Variants in DBP observed in about 807,000 individuals in gnomAD.
DBP encodes D-box binding PAR bZIP transcription factor.
Under a neutral mutation model 21.4 loss-of-function variants are expected in DBP, and 12 were observed. The observed-to-expected ratio is 0.56, with a 90% CI of 0.36 to 0.91. DBP has a LOEUF of 0.91. Ranked by LOEUF, DBP falls within the 40% of genes least tolerant of loss-of-function variation. The pLI is 0.01. For missense variants in DBP, 423 were observed against 473.4 expected, an observed-to-expected ratio of 0.89 and a Z score of 0.99; for synonymous variants, 213 against 224.9, an observed-to-expected ratio of 0.95 and a Z score of 0.47.
intron 2 of DBP, 143 bp downstream of exon 2, chr19:48,635,437 C>T: frequency 6.8e-7 from 1 of 1,477,668 alleles, no homozygotes; most frequent in Non-Finnish European, 9.0e-7. Context: ...ATCTGGCCCC[C>T]TCCCACGACA....
chr19:48,635,046 C>G, intron 2 of DBP: 1 of 986,756 alleles, frequency 1.0e-6, no homozygotes, highest in South Asian at 4.5e-5. Context: ...AACGTTTTCC[C>G]TTCTGAAGAA....
Position 48,635,706 on chromosome 19 carries a change from G to C in DBP, c.424C>G (p.Pro142Ala). The C allele has an allele frequency of 7.5e-7, 1 of 1,328,608 alleles. No individual in the cohort carries two copies. The highest frequency in any genetic ancestry group is 9.5e-7 in the Non-Finnish European group (1 of 1,047,662). 82.3% of individuals were successfully genotyped at this position (1,328,608 alleles called of 1,614,324 possible). Residue 142 changes from proline to alanine, a missense_variant, in exon 2 of 4, where the codon CCG becomes GCG. Physicochemically the swap from Pro to Ala is conservative, Grantham distance 27. Transcript: ENST00000222122. ...GGTGCGGGCGTCCGCGCGGGCGACG[G>C]CTCCGGCGACGGGCCACCGGGGGGC... The part of the protein sequence containing the change: ...PPPPGGPSPE[P>A]SPARTPAPSP...
intron 3 of DBP, 150 bp downstream of exon 3, chr19:48,633,294 G>T: frequency 1.2e-6 from 1 of 823,498 alleles, no homozygotes; most frequent in Non-Finnish European, 2.0e-6. Context: ...GTGCCCCGTG[G>T]CCAAGGAGGA....
chr19:48,630,333 G>C lies in DBP; in HGVS notation c.*504C>G. On this transcript the variant is annotated 3_prime_UTR_variant, in exon 4 of 4. Transcript: ENST00000222122. This position sits in a 1 kb window ranked among gnomAD's most constrained non-coding sequence, Gnocchi z 4.9. ...TTCATATCCCCTGTTCGTCTCATGC[G>C]CGTCCTCCGTCCCCAATCTAAAAAG... is the stretch of plus-strand genomic sequence containing the variant. 1 of 1,308,356 alleles carries C rather than the reference G, an allele frequency of 7.6e-7. No individual in the cohort carries two copies. The allele number at this position is 1,308,356 out of a possible 1,614,324, so 81.0% of individuals were successfully genotyped here. A position where few individuals can be genotyped will look rare whatever the true frequency, so the allele number is the denominator to read the frequency against.
At chr19:48,633,038 G>C (rs2030655191) in intron 3 of DBP, 1 of 355,306 alleles carries the variant, frequency 2.8e-6, no homozygotes, top group African/African-American at 2.1e-5. Context: ...CTGTTGCCCA[G>C]GCTGGAGTGC....
intron 2 of DBP, 63 bp downstream of exon 2, chr19:48,635,517 C>T (rs1568440314): frequency 8.2e-6 from 12 of 1,471,398 alleles, no homozygotes; most frequent in African/African-American, 2.9e-5. Context: ...CAGCGTCGCA[C>T]AGCCCCGCCC....
chr19:48,635,704 C>A lies in DBP; in HGVS notation c.426G>T (p.Pro142=). 7.5e-7 allele frequency: 1 copy of A among 1,325,202 alleles called. No individual in the cohort carries two copies. The highest frequency in any genetic ancestry group is 2.1e-5 in the South Asian group (1 of 47,210). 82.1% of individuals were successfully genotyped at this position (1,325,202 alleles called of 1,614,324 possible). ...AGGGTGCGGGCGTCCGCGCGGGCGACGGCTCCGGCGACGGGCCACCGGGGG... is the reference window on the plus strand; with the variant it reads ...AGGGTGCGGGCGTCCGCGCGGGCGAAGGCTCCGGCGACGGGCCACCGGGGG... ...PPPPGGPSPE[P]SPARTPAPSP... Residue 142 remains proline (P), a synonymous_variant, in exon 2 of 4, where the codon CCG becomes CCT. Transcript: ENST00000222122.
At position 48,630,410 on chromosome 19, in the gene DBP, T is replaced by A. The variant is rs1282978044; in HGVS notation, c.*427A>T. On this transcript the variant is annotated 3_prime_UTR_variant, in exon 4 of 4. Coordinates refer to ENST00000222122, the MANE Select transcript of DBP (RefSeq NM_001352.5). This position sits in a 1 kb window ranked among gnomAD's most constrained non-coding sequence, Gnocchi z 4.9. ...GCAGTCGCTTCATTCCTCTCAGACC[T>A]TCTGCCCTTCCTCCATCCGACAGCC... 1 of 1,412,456 alleles carries A rather than the reference T, an allele frequency of 7.1e-7. No homozygotes were observed. Among genetic ancestry groups the A allele is most frequent in the Admixed American group, 3.1e-5 (1 of 32,076 alleles). 87.5% of individuals were successfully genotyped at this position (1,412,456 alleles called of 1,614,324 possible).
chr19:48,635,716 C>T lies in DBP; in HGVS notation c.414G>A (p.Pro138=). Residue 138 remains proline, a synonymous_variant, in exon 2 of 4, where the codon CCG becomes CCA. Transcript: ENST00000222122. ...LPPSPPPPGG[P]SPEPSPARTP... ...TCCGCGCGGGCGACGGCTCCGGCGACGGGCCACCGGGGGGCGGCGGGCTGG... is the reference window on the plus strand; with the variant it reads ...TCCGCGCGGGCGACGGCTCCGGCGATGGGCCACCGGGGGGCGGCGGGCTGG... 2.2e-6 allele frequency: 3 copies of T among 1,334,586 alleles called. No individual in the cohort carries two copies. Among genetic ancestry groups the T allele is most frequent in the Non-Finnish European group, 1.9e-6 (2 of 1,050,410 alleles). 82.7% of individuals were successfully genotyped at this position (1,334,586 alleles called of 1,614,324 possible). A position where few individuals can be genotyped will look rare whatever the true frequency, so the allele number is the denominator to read the frequency against.
In DBP at chr19:48,630,939, C is replaced by A. The variant is rs764766281; in HGVS notation, c.876G>T (p.Lys292Asn). The A allele has an allele frequency of 5.0e-6, 8 of 1,612,662 alleles. No homozygotes were observed. The highest frequency in any genetic ancestry group is 6.8e-6 in the Non-Finnish European group (8 of 1,179,608). The change falls in exon 4 of 4, where the codon AAG becomes AAT. Residue 292 changes from lysine to asparagine, a missense_variant. Lys to Asn is a moderately conservative substitution (Grantham distance 94). This residue lies in a region of DBP where 30 missense variants were observed against 70.9 expected (regional missense o/e 0.42). Transcript: ENST00000222122. This position sits in a 1 kb window ranked among gnomAD's most constrained non-coding sequence, Gnocchi z 4.9. The part of the protein sequence containing the change: ...QISVRAAFLE[K>N]ENALLRQEVV... ...CTTCCTGCCGCAGCAGGGCGTTCTC[C>A]TTCTCCAGGAAGGCCGCCCGCACCG...
chr19:48,633,581 G>C lies in DBP; in HGVS notation c.625C>G (p.Pro209Ala), dbSNP rs775315687. The C allele has an allele frequency of 6.2e-7, 1 of 1,614,168 alleles. No homozygotes were observed. The highest frequency in any genetic ancestry group is 1.7e-5 in the Admixed American group (1 of 60,014). ...VEVLMTFEPDPADLALSSIPG... is the reference protein window; with the variant it reads ...VEVLMTFEPDAADLALSSIPG... ...ATGCTTGATAGGGCAAGATCAGCTGGGTCGGGTTCAAAGGTCATCAACACC... is the reference window on the plus strand; with the variant it reads ...ATGCTTGATAGGGCAAGATCAGCTGCGTCGGGTTCAAAGGTCATCAACACC... The change falls in exon 3 of 4, where the codon CCA (proline) becomes GCA (alanine). Residue 209 changes from proline to alanine, a missense_variant. This residue lies in a region of DBP where 77 missense variants were observed against 97.1 expected (regional missense o/e 0.79). Coordinates refer to ENST00000222122, the MANE Select transcript of DBP (RefSeq NM_001352.5).
At chr19:48,635,432 GCCC>G (rs1351141685) in intron 2 of DBP, 145 bp downstream of exon 2, 1 of 1,474,500 alleles carries the variant, frequency 6.8e-7, no homozygotes, top group African/African-American at 1.4e-5. Context: ...ACCGAATCTG[GCCC>G]CCTCCCACGA....
chr19:48,633,729 G>A, intron 2 of DBP, 74 bp from the exon 3 acceptor site: 1 of 1,277,468 alleles, frequency 7.8e-7, no homozygotes, highest in Non-Finnish European at 1.1e-6. Context: ...TTTTGCTGTG[G>A]TATCATAGCC....
chr19:48,630,741 G>A lies in DBP; in HGVS notation c.*96C>T, dbSNP rs1461897052. 1 of 1,446,638 alleles carries A rather than the reference G, an allele frequency of 6.9e-7. No homozygotes were observed. Among genetic ancestry groups the A allele is most frequent in the South Asian group, 1.3e-5 (1 of 76,094 alleles). The allele number at this position is 1,446,638 out of a possible 1,614,324, so 89.6% of individuals were successfully genotyped here. ...CATTATCACGTCCCTGGGGCACCCA[G>A]CTGGCCGGCCCGTGGGCCACAGGGC... On this transcript the variant is annotated 3_prime_UTR_variant, in exon 4 of 4. Coordinates refer to ENST00000222122, the MANE Select transcript of DBP (RefSeq NM_001352.5). This position sits in a 1 kb window ranked among gnomAD's most constrained non-coding sequence, Gnocchi z 4.9.
intron 1 of DBP, among the ~76,000 whole-genome samples, chr19:48,636,655 G>A (rs1375660825): frequency 6.6e-6 from 1 of 152,144 alleles, no homozygotes; most frequent in Admixed American, 6.5e-5. Flanking sequence ...GGGTCCTTAG[G>A]GTGGACGGGC....
At chr19:48,633,222 C>T in intron 3 of DBP, 1 of 624,960 alleles carries the variant, frequency 1.6e-6, no homozygotes, top group South Asian at 1.9e-5. Flanking sequence ...GCTGGGATTA[C>T]ACGAGTGAGG....
At chr19:48,633,701 G>A (rs373203086) in intron 2 of DBP, 46 bp from the exon 3 acceptor site, 10 of 1,549,898 alleles carry the variant, frequency 6.5e-6, no homozygotes, top group African/African-American at 2.7e-5. Context: ...TTTAAGGAGG[G>A]GGTTTCCTGA....
intron 3 of DBP, 192 bp from the exon 4 acceptor site, chr19:48,631,244 A>C: frequency 3.4e-6 from 2 of 580,674 alleles, no homozygotes; most frequent in South Asian, 2.2e-5. Context: ...CATGAGATAG[A>C]CCCCCCACCC....
chr19:48,635,432 GC>G, intron 2 of DBP, 147 bp downstream of exon 2: 1 of 1,474,620 alleles, frequency 6.8e-7, no homozygotes, highest in Non-Finnish European at 9.0e-7. Context: ...ACCGAATCTG[GC>G]CCCCTCCCAC....
Sources: allele counts gnomAD v4.1 joint callset (sites outside exome capture counted in the v4.1 genomes callset), GRCh38; gene constraint gnomAD v4.1.1; regional missense constraint gnomAD v4.1.1; non-coding constraint Gnocchi (gnomAD v3.1); transcripts MANE v1.5; gene names NCBI Gene and HGNC (gene_info 2026-07-23, HGNC 2026-07-21).